The following PACSIN2 variants were observed in gnomAD, a reference collection of about 807,000 sequenced individuals.
The protein encoded by PACSIN2 is protein kinase C and casein kinase substrate in neurons protein 2.
PACSIN2 carries 25 observed loss-of-function variants against 63.8 expected under a neutral mutation model. The observed-to-expected ratio is 0.39, with a 90% confidence interval of 0.29 to 0.55. PACSIN2 has a LOEUF of 0.55. PACSIN2 is among the 20% of genes least tolerant of loss of function. The pLI is 0.62. For synonymous variants in PACSIN2, 255 were observed against 256.2 expected, an observed-to-expected ratio of 1.00 and a Z score of 0.05; for missense variants, 518 against 646.9, an observed-to-expected ratio of 0.80 and a Z score of 2.16.
chr22:42,950,343 C>T (rs1054026100), intron 1 of PACSIN2, among the ~76,000 whole-genome samples: 6 of 9,780 alleles, frequency 6.1e-4, no homozygotes, highest in Admixed American at 2.7e-3. Flanking sequence ...CTCCAAGATA[C>T]AAAGGAACAA....
At chr22:42,947,300 A>G (rs1049334261) in intron 1 of PACSIN2, among the ~76,000 whole-genome samples, 1 of 152,134 alleles carries the variant, frequency 6.6e-6, no homozygotes, top group Admixed American at 6.5e-5. Context: ...CCCAAGACAG[A>G]CAAAGAGTAT....
intron 7 of PACSIN2, among the ~76,000 whole-genome samples, chr22:42,881,644 T>G (rs567120755): frequency 1.3e-5 from 2 of 152,222 alleles, no homozygotes; most frequent in East Asian, 3.9e-4. Context: ...ATTTCGAATG[T>G]AAAGATAATG....
intron 1 of PACSIN2, among the ~76,000 whole-genome samples, chr22:42,941,234 T>C (rs1193455861): frequency 1.3e-5 from 2 of 152,150 alleles, no homozygotes; most frequent in Non-Finnish European, 2.9e-5. Flanking sequence ...TTCACTCCTT[T>C]TTGTTGCTAA....
intron 1 of PACSIN2, among the ~76,000 whole-genome samples, chr22:42,956,934 G>A (rs1295141556): frequency 6.6e-6 from 1 of 152,160 alleles, no homozygotes; most frequent in Non-Finnish European, 1.5e-5. Flanking sequence ...AGATAAGAAG[G>A]TCAATTATAC....
intron 2 of PACSIN2, among the ~76,000 whole-genome samples, chr22:42,908,289 C>G (rs1483326085): frequency 6.6e-6 from 1 of 152,204 alleles, no homozygotes; most frequent in Non-Finnish European, 1.5e-5. Flanking sequence ...CTAGCCTGGC[C>G]CCCAAGGAGC....
intron 2 of PACSIN2, 48 bp downstream of exon 2, chr22:42,911,973 A>C: frequency 7.2e-7 from 1 of 1,388,188 alleles, no homozygotes; most frequent in South Asian, 1.2e-5. Flanking sequence ...CCTGCCAGAC[A>C]CTATTGGCCT....
At chr22:42,959,113 A>C (rs560069318) in intron 1 of PACSIN2, among the ~76,000 whole-genome samples, 1 of 152,320 alleles carries the variant, frequency 6.6e-6, no homozygotes, top group African/African-American at 2.4e-5. Flanking sequence ...AGAAATGAGA[A>C]GAACTGAGGG....
At chr22:42,944,041 T>C (rs1200851510) in intron 1 of PACSIN2, among the ~76,000 whole-genome samples, 7 of 152,214 alleles carry the variant, frequency 4.6e-5, no homozygotes, top group Non-Finnish European at 8.8e-5. Context: ...CACTAAGTTC[T>C]ACCTGCTAAG....
At chr22:43,012,307 CAAAAAAAAAAA>C (rs35192048) in intron 1 of PACSIN2, among the ~76,000 whole-genome samples, 10 of 51,808 alleles carry the variant, frequency 1.9e-4, no homozygotes, top group African/African-American at 7.1e-4. Context: ...GACTCTCTCT[CAAAAAAAAAAA>C]AAAAAAAAAA....
intron 10 of PACSIN2, among the ~76,000 whole-genome samples, chr22:42,874,648 G>C (rs909659418): frequency 6.6e-6 from 1 of 152,292 alleles, no homozygotes; most frequent in South Asian, 2.1e-4. Context: ...CTAGAGAAAG[G>C]CTTCTCTCAT....
At chr22:42,998,619 T>C (rs1462677332) in intron 1 of PACSIN2, among the ~76,000 whole-genome samples, 2 of 152,228 alleles carry the variant, frequency 1.3e-5, no homozygotes, top group Non-Finnish European at 2.9e-5. Context: ...AACTGGTATT[T>C]TGTTAATCAT....
chr22:42,934,954 C>T (rs745919320), intron 1 of PACSIN2, among the ~76,000 whole-genome samples: 3 of 151,530 alleles, frequency 2.0e-5, no homozygotes, highest in Non-Finnish European at 4.4e-5. Context: ...TTCGCTTTAT[C>T]GCCCAGGCTG....
At chr22:42,938,621 C>A (rs547164846) in intron 1 of PACSIN2, among the ~76,000 whole-genome samples, 1 of 152,222 alleles carries the variant, frequency 6.6e-6, no homozygotes, top group Non-Finnish European at 1.5e-5. Context: ...CTGCATGTTC[C>A]GCAGGACCAT....
intron 1 of PACSIN2, among the ~76,000 whole-genome samples, chr22:42,976,740 A>G (rs140203556): frequency 1.8e-3 from 281 of 152,354 alleles, no homozygotes; most frequent in African/African-American, 6.3e-3. Context: ...ACCCAGGTCT[A>G]ATCATTTCAC....
intron 1 of PACSIN2, among the ~76,000 whole-genome samples, chr22:42,958,694 A>G (rs1048879129): frequency 5.9e-5 from 9 of 152,186 alleles, no homozygotes; most frequent in African/African-American, 2.2e-4. Flanking sequence ...TGCAATCTTA[A>G]AAGTATTTGA....
intron 1 of PACSIN2, among the ~76,000 whole-genome samples, chr22:42,917,714 G>C (rs955113568): frequency 3.9e-5 from 6 of 152,174 alleles, no homozygotes; most frequent in Non-Finnish European, 7.3e-5. Context: ...ACAGTCTGTC[G>C]ATCTTGGCCT....
intron 3 of PACSIN2, among the ~76,000 whole-genome samples, chr22:42,892,311 G>A (rs1244830738): frequency 6.6e-6 from 1 of 152,198 alleles, no homozygotes; most frequent in Non-Finnish European, 1.5e-5. Context: ...TCATGACAGA[G>A]GTGGGCTGAG....
At chr22:42,902,451 C>T (rs1930759738) in intron 2 of PACSIN2, among the ~76,000 whole-genome samples, 1 of 152,162 alleles carries the variant, frequency 6.6e-6, no homozygotes, top group Non-Finnish European at 1.5e-5. Flanking sequence ...TCTCCATCAT[C>T]CATGCCAGGC....
At chr22:42,934,195 CAG>C (rs1382125789) in intron 1 of PACSIN2, among the ~76,000 whole-genome samples, 1 of 152,198 alleles carries the variant, frequency 6.6e-6, no homozygotes. Flanking sequence ...TGGAAACGTG[CAG>C]AGAGCACTGA....
Sources: gnomAD v4.1 joint callset for allele counts (sites outside exome capture counted in the v4.1 genomes callset) on GRCh38, gnomAD v4.1.1 for gene constraint, MANE v1.5 for transcripts, NCBI Gene and HGNC (gene_info 2026-07-23, HGNC 2026-07-21) for gene names.